The following FHOD3 variants were observed in gnomAD, a reference collection of about 807,000 sequenced individuals.
The protein encoded by FHOD3 is FH1/FH2 domain-containing protein 3.
Under a neutral mutation model 173.0 loss-of-function variants are expected in FHOD3, and 90 were observed. The observed-to-expected ratio is 0.52, with a 90% CI of 0.44 to 0.62. The LOEUF (loss-of-function observed/expected upper bound fraction) is 0.62. Among genes scored for constraint, FHOD3 ranks in the 20% least tolerant of loss-of-function variants. The probability of loss-of-function intolerance (pLI) is 0.00; values close to 1 mark genes in which losing one functional copy is unlikely to be tolerated. For synonymous variants in FHOD3, 828 were observed against 823.0 expected, an observed-to-expected ratio of 1.01 and a Z score of -0.10; for missense variants, 1,945 against 2,034.7, an observed-to-expected ratio of 0.96 and a Z score of 0.85.
At chr18:36,347,866 T>G (rs2145616051) in intron 1 of FHOD3, among the ~76,000 whole-genome samples, 1 of 152,356 alleles carries the variant, frequency 6.6e-6, no homozygotes, top group East Asian at 1.9e-4. Context: ...TTACAATTTT[T>G]TATGTGAAAT....
chr18:36,591,577 A>G (rs1306681179), intron 6 of FHOD3, among the ~76,000 whole-genome samples: 1 of 152,202 alleles, frequency 6.6e-6, no homozygotes, highest in Non-Finnish European at 1.5e-5. Context: ...AGAGGCATAT[A>G]GTAGGTGAAC....
At chr18:36,472,786 A>G (rs1295810068) in intron 3 of FHOD3, among the ~76,000 whole-genome samples, 1 of 152,178 alleles carries the variant, frequency 6.6e-6, no homozygotes, top group Admixed American at 6.5e-5. Flanking sequence ...GTGCATGTAT[A>G]TGCCACATTG....
chr18:36,699,759 A>G (rs1472782519), intron 17 of FHOD3, among the ~76,000 whole-genome samples: 2 of 152,184 alleles, frequency 1.3e-5, no homozygotes, highest in African/African-American at 2.4e-5. Flanking sequence ...GGTACCTGAA[A>G]TACACTTTTT....
chr18:36,774,293 G>A (rs2043529404), intron 28 of FHOD3, among the ~76,000 whole-genome samples: 1 of 152,238 alleles, frequency 6.6e-6, no homozygotes, highest in African/African-American at 2.4e-5. Context: ...CAAGGCCAAG[G>A]AAGCCACAGC....
intron 5 of FHOD3, among the ~76,000 whole-genome samples, chr18:36,553,417 T>G (rs2057743859): frequency 6.6e-6 from 1 of 152,248 alleles, no homozygotes; most frequent in Non-Finnish European, 1.5e-5. Flanking sequence ...TTTGTACCTG[T>G]GGTAGAATTC....
intron 3 of FHOD3, among the ~76,000 whole-genome samples, chr18:36,477,550 CCTACCTACCTACCTACCTACCT>C (rs2053650282): frequency 1.3e-4 from 9 of 67,970 alleles, no homozygotes; most frequent in South Asian, 6.5e-4. Context: ...CACCCACCTA[CCTACCTACCTACCTACCTACCT>C]ACCTACCTAC....
chr18:36,581,417 C>T (rs1223025871), intron 6 of FHOD3, among the ~76,000 whole-genome samples: 1 of 152,234 alleles, frequency 6.6e-6, no homozygotes, highest in East Asian at 1.9e-4. Flanking sequence ...GGCAAACTCT[C>T]ACCTCCTTGC....
chr18:36,403,382 C>T (rs2146715543), intron 3 of FHOD3, among the ~76,000 whole-genome samples: 1 of 152,262 alleles, frequency 6.6e-6, no homozygotes, highest in African/African-American at 2.4e-5. Context: ...ATTCTGTTCC[C>T]ACCTTTAAAG....
chr18:36,718,226 T>C lies in FHOD3; in HGVS notation c.2928T>C (p.Ser976=). 6.2e-7 allele frequency: 1 copy of C among 1,614,152 alleles called. No homozygotes were observed. Among genetic ancestry groups the C allele is most frequent in the Non-Finnish European group, 8.5e-7 (1 of 1,180,012 alleles). ...CGCCGGTGCAGCCGAAGACAGAGTC[T>C]GATTACATCTGGGACCAGCTCATGG... ...ETAPVQPKTE[S]DYIWDQLMAN... is the part of the protein sequence containing the mutation. Residue 976 remains serine (S), a synonymous_variant, in exon 19 of 29, where the codon TCT becomes TCC. Coordinates refer to ENST00000590592, the MANE Select transcript of FHOD3 (RefSeq NM_001281740.3).
At chr18:36,592,392 C>T (rs1305801014) in intron 6 of FHOD3, among the ~76,000 whole-genome samples, 3 of 152,170 alleles carry the variant, frequency 2.0e-5, no homozygotes, top group African/African-American at 7.2e-5. Context: ...AGTGAGAAGA[C>T]GCTGAATCAT....
chr18:36,449,107 C>G (rs2144195724), intron 3 of FHOD3, among the ~76,000 whole-genome samples: 1 of 152,158 alleles, frequency 6.6e-6, no homozygotes, highest in East Asian at 1.9e-4. Context: ...AGCAGTTAAT[C>G]CCTAATAGTA....
At position 36,718,309 on chromosome 18, in the gene FHOD3, A is replaced by T. The variant is rs1480515228; in HGVS notation, c.3011A>T (p.Asp1004Val). The T allele has an allele frequency of 1.2e-6, 2 of 1,614,052 alleles. No individual in the cohort carries two copies. Among genetic ancestry groups the T allele is most frequent in the South Asian group, 2.2e-5 (2 of 91,050 alleles). Reference sequence around the variant, plus strand: ...GATTTCACTGACCTGGGGGAGGAGGATGACATTGATGTCCTAGATGTGGAC... The same window carrying T: ...GATTTCACTGACCTGGGGGAGGAGGTTGACATTGATGTCCTAGATGTGGAC... ...DMDFTDLGEE[D>V]DIDVLDVDLG... is the part of the protein sequence containing the mutation. The change falls in exon 19 of 29, where the codon GAT (aspartate) becomes GTT (valine). Residue 1004 changes from aspartate to valine, a missense_variant. Around this residue, in one of 5 missense-constraint regions of FHOD3, gnomAD observed 1,099 missense variants for 1,051.2 expected, o/e 1.05. Transcript: ENST00000590592.
At chr18:36,600,122 C>T (rs2031133094) in intron 7 of FHOD3, among the ~76,000 whole-genome samples, 1 of 152,104 alleles carries the variant, frequency 6.6e-6, no homozygotes, top group Non-Finnish European at 1.5e-5. Context: ...ATCCCAGAGG[C>T]CTTAGGAGCT....
chr18:36,484,785 G>T (rs1269715605), intron 3 of FHOD3, among the ~76,000 whole-genome samples: 2 of 152,156 alleles, frequency 1.3e-5, no homozygotes, highest in African/African-American at 4.8e-5. Context: ...CCTGCTGTCG[G>T]ACCACAAAGA....
At chr18:36,565,353 G>A (rs537951718) in intron 5 of FHOD3, among the ~76,000 whole-genome samples, 38 of 152,262 alleles carry the variant, frequency 2.5e-4, no homozygotes, top group African/African-American at 7.9e-4. Context: ...TAATAGTTTT[G>A]TTTTGTTTTT....
At chr18:36,551,640 A>T (rs1253888504) in intron 5 of FHOD3, among the ~76,000 whole-genome samples, 7 of 152,140 alleles carry the variant, frequency 4.6e-5, no homozygotes, top group African/African-American at 1.2e-4. Flanking sequence ...AGGTCTAACT[A>T]AAGTCTTTAA....
At chr18:36,614,827 C>T (rs1244742314) in intron 9 of FHOD3, among the ~76,000 whole-genome samples, 1 of 141,468 alleles carries the variant, frequency 7.1e-6, no homozygotes, top group Non-Finnish European at 1.5e-5. Context: ...ATCCTTTGCT[C>T]ATTTTTTAAT....
At chr18:36,778,200 G>T (rs1446825046) in intron 28 of FHOD3, 1 of 152,264 alleles carries the variant, frequency 6.6e-6, no homozygotes, top group East Asian at 1.9e-4. Flanking sequence ...AGACCATGGG[G>T]TGTGGCCTGC....
At chr18:36,427,423 C>T (rs2050311081) in intron 3 of FHOD3, among the ~76,000 whole-genome samples, 1 of 152,134 alleles carries the variant, frequency 6.6e-6, no homozygotes, top group South Asian at 2.1e-4. Flanking sequence ...CTCTCCATCC[C>T]TGAATGCTGT....
Sources: gnomAD v4.1 joint callset for allele counts (sites outside exome capture counted in the v4.1 genomes callset) on GRCh38, gnomAD v4.1.1 for gene constraint, gnomAD v4.1.1 regional missense constraint, MANE v1.5 for transcripts, NCBI Gene and HGNC (gene_info 2026-07-23, HGNC 2026-07-21) for gene names.